The following GREB1L variants were observed in gnomAD, a reference collection of about 807,000 sequenced individuals.
GREB1L encodes GREB1 like retinoic acid receptor coactivator.
In GREB1L, 17 loss-of-function variants were observed where a neutral mutation model predicts 200.8. That is an observed-to-expected ratio of 0.08 (90% CI 0.06 to 0.13). The LOEUF (loss-of-function observed/expected upper bound fraction) is 0.13. Among genes scored for constraint, GREB1L ranks in the 10% least tolerant of loss-of-function variants. GREB1L has a pLI of 1.00. For missense variants in GREB1L, 1,657 were observed against 2,367.7 expected (o/e 0.70, Z 6.23); for synonymous variants, 789 against 893.0 (o/e 0.88, Z 2.08).
intron 2 of GREB1L, among the ~76,000 whole-genome samples, chr18:21,370,760 C>T (rs1338181602): frequency 6.6e-6 from 1 of 152,142 alleles, no homozygotes; most frequent in African/African-American, 2.4e-5. Flanking sequence ...TTCAGTATGA[C>T]AGCTACTAGT....
chr18:21,471,620 CTTTTTTT>C lies in GREB1L; in HGVS notation c.2183-1396_2183-1390del, dbSNP rs77038675. On this transcript the variant is annotated intron_variant, in intron 15 of 32. Coordinates refer to ENST00000424526, the MANE Select transcript of GREB1L (RefSeq NM_001142966.3). ...ATGAGTTTTTTCCTCTCTTTTGTTTCTTTTTTTTTTTTTTTTTTTTTGAAACAGTCTC... is the reference window on the plus strand; with the variant it reads ...ATGAGTTTTTTCCTCTCTTTTGTTTCTTTTTTTTTTTTTTGAAACAGTCTC... Among the ~76,000 whole-genome samples the C allele has an allele frequency of 7.4e-3, 1,048 of 142,394 alleles. 8 individuals are homozygous for C. The highest frequency in any genetic ancestry group is 0.027 in the African/African-American group (923 of 34,158). 93.4% of individuals were successfully genotyped at this position (142,394 alleles called of 152,430 possible). A position where few individuals can be genotyped will look rare whatever the true frequency, so the allele number is the denominator to read the frequency against.
intron 1 of GREB1L, among the ~76,000 whole-genome samples, chr18:21,264,208 G>A (rs950902043): frequency 1.3e-5 from 2 of 151,850 alleles, no homozygotes; most frequent in Admixed American, 6.6e-5. Flanking sequence ...TAATTATGTA[G>A]CAGATGGGAC....
chr18:21,423,518 T>G (rs1216501638), intron 7 of GREB1L, among the ~76,000 whole-genome samples: 1 of 152,124 alleles, frequency 6.6e-6, no homozygotes, highest in Non-Finnish European at 1.5e-5. Context: ...ATCCACTAGA[T>G]ACTCCAAGAA....
chr18:21,498,561 C>T (rs965305101), intron 21 of GREB1L, among the ~76,000 whole-genome samples: 1 of 152,166 alleles, frequency 6.6e-6, no homozygotes, highest in Admixed American at 6.5e-5. Flanking sequence ...GTGGTTCTTC[C>T]GTCCCACTCC....
intron 16 of GREB1L, among the ~76,000 whole-genome samples, chr18:21,476,176 C>T (rs530662705): frequency 6.6e-6 from 1 of 152,050 alleles, no homozygotes; most frequent in South Asian, 2.1e-4. Context: ...AAATTTCAGA[C>T]ATCATCAAGC....
chr18:21,318,349 A>G (rs2038904245), intron 1 of GREB1L, among the ~76,000 whole-genome samples: 1 of 152,186 alleles, frequency 6.6e-6, no homozygotes, highest in Non-Finnish European at 1.5e-5. Context: ...TTCAGATGAA[A>G]ACCCCTGGTA....
intron 4 of GREB1L, among the ~76,000 whole-genome samples, chr18:21,388,533 C>CTTTTTTTTTTTT (rs768141691): frequency 1.3e-5 from 1 of 74,650 alleles, no homozygotes. Context: ...CCTTAGGTTC[C>CTTTTTTTTTTTT]TTTTTTTTTT....
At chr18:21,502,017 T>G (rs1568065499) in intron 23 of GREB1L, among the ~76,000 whole-genome samples, 2 of 152,060 alleles carry the variant, frequency 1.3e-5, no homozygotes, top group Non-Finnish European at 2.9e-5. Context: ...TCCCAGCACT[T>G]TGGGAGGCCA....
intron 23 of GREB1L, among the ~76,000 whole-genome samples, chr18:21,502,629 A>T (rs1333479194): frequency 6.6e-6 from 1 of 152,176 alleles, no homozygotes. Flanking sequence ...ACACGAATTC[A>T]TCTTCCCATC....
chr18:21,508,282 G>C lies in GREB1L; in HGVS notation c.4530+3G>C. The stretch of plus-strand genomic sequence containing the variant: ...GGCTGCCCCTGGTTTCAGACAAGGT[G>C]GGTGAGAGCATCTGGACTGGCAGGC... On this transcript the variant is annotated splice_donor_region_variant and intron_variant, in intron 26 of 32. Coordinates refer to ENST00000424526, the MANE Select transcript of GREB1L (RefSeq NM_001142966.3). 1.3e-6 allele frequency: 2 copies of C among 1,551,590 alleles called. No individual in the cohort carries two copies. Among genetic ancestry groups the C allele is most frequent in the Non-Finnish European group, 1.7e-6 (2 of 1,147,018 alleles).
At chr18:21,442,222 G>T (rs1464180202) in intron 10 of GREB1L, among the ~76,000 whole-genome samples, 1 of 152,136 alleles carries the variant, frequency 6.6e-6, no homozygotes, top group Non-Finnish European at 1.5e-5. Flanking sequence ...AGACTCCTTG[G>T]TTTAGGGCTG....
At chr18:21,413,319 G>A (rs1182819800) in intron 7 of GREB1L, among the ~76,000 whole-genome samples, 1 of 152,130 alleles carries the variant, frequency 6.6e-6, no homozygotes, top group African/African-American at 2.4e-5. Context: ...GTATGGGAGT[G>A]TATCATTCAA....
chr18:21,308,308 G>A (rs971305747), intron 1 of GREB1L, among the ~76,000 whole-genome samples: 1 of 152,154 alleles, frequency 6.6e-6, no homozygotes, highest in Non-Finnish European at 1.5e-5. Context: ...TGCATCTCAG[G>A]CAGATACAAA....
intron 2 of GREB1L, among the ~76,000 whole-genome samples, chr18:21,371,726 GT>G (rs2039881932): frequency 1.3e-5 from 2 of 150,364 alleles, no homozygotes; most frequent in African/African-American, 4.9e-5. Flanking sequence ...GGAGCTTGCA[GT>G]GAGCCGAGAT....
chr18:21,507,659 A>G (rs1235177996), intron 25 of GREB1L, among the ~76,000 whole-genome samples: 1 of 152,208 alleles, frequency 6.6e-6, no homozygotes, highest in Non-Finnish European at 1.5e-5. Context: ...TGTAGCCTGG[A>G]AAGATGGGGC....
chr18:21,262,682 T>C (rs2037907776), intron 1 of GREB1L, among the ~76,000 whole-genome samples: 1 of 152,206 alleles, frequency 6.6e-6, no homozygotes, highest in Non-Finnish European at 1.5e-5. Flanking sequence ...TAGTTTGTCA[T>C]TGTAATTGTA....
rs1033162331 is a variant in GREB1L, at chr18:21,452,179, C to A, written c.1946C>A (p.Pro649His). ...GGAGACCTTAATGAATGTGTGTCAC[C>A]CCAGGAGGCTGCTGCTATGATTCCC... ...FDGDLNECVS[P>H]QEAAAMIPTQ... Residue 649 changes from proline (P) to histidine (H), a missense_variant, in exon 14 of 33, where the codon CCC (proline) becomes CAC (histidine). Physicochemically the swap from Pro to His is moderately conservative, Grantham distance 77 (BLOSUM62 -2). This residue lies in a region of GREB1L where 239 missense variants were observed against 421.8 expected (regional missense o/e 0.57). Coordinates refer to ENST00000424526, the MANE Select transcript of GREB1L (RefSeq NM_001142966.3). The A allele has an allele frequency of 5.2e-6, 8 of 1,551,532 alleles. No individual in the cohort carries two copies. The Admixed American group carries it at 1.2e-4, about 23-fold the overall frequency.
Position 21,243,255 on chromosome 18 carries a change from GT to G in GREB1L, c.-120+865del, listed in dbSNP as rs2037535736. 3.9e-5 allele frequency among the ~76,000 whole-genome samples: 6 copies of G among 152,210 alleles called. No homozygotes were observed. In the South Asian group the frequency reaches 1.2e-3, roughly 32 times the overall value. On this transcript the variant is annotated intron_variant, in intron 1 of 32. Coordinates refer to ENST00000424526, the MANE Select transcript of GREB1L (RefSeq NM_001142966.3). ...TCCATGTGGAGATTCAGTGCGTGGG[GT>G]TTCTCAGTTACATGAGTCCAAGGAA...
chr18:21,438,971 AAAAAAAAAG>A (rs2033727366), intron 7 of GREB1L, among the ~76,000 whole-genome samples: 3 of 150,692 alleles, frequency 2.0e-5, no homozygotes, highest in African/African-American at 7.3e-5. Flanking sequence ...AAAAAAAAAA[AAAAAAAAAG>A]AAAAGAAAAG....
Sources: allele counts gnomAD v4.1 joint callset (sites outside exome capture counted in the v4.1 genomes callset), GRCh38; gene constraint gnomAD v4.1.1; regional missense constraint gnomAD v4.1.1; transcripts MANE v1.5; gene names NCBI Gene and HGNC (gene_info 2026-07-23, HGNC 2026-07-21).